ASIC2: variants seen among roughly 807,000 people sequenced by gnomAD.
ASIC2 encodes the protein acid sensing ion channel subunit 2.
Under a neutral mutation model 57.3 loss-of-function variants are expected in ASIC2, and 25 were observed. The ratio of observed to expected loss-of-function variants is 0.44; its 90% CI spans 0.32 to 0.61. The LOEUF is 0.61. Ranked by LOEUF, ASIC2 falls within the 20% of genes least tolerant of loss-of-function variation. ASIC2 has a pLI of 0.06. For missense variants in ASIC2, 641 were observed against 738.1 expected (o/e 0.87, Z 1.52); for synonymous variants, 319 against 307.5 (o/e 1.04, Z -0.39).
chr17:33,878,820 T>C (rs2141937879), intron 1 of ASIC2, among the ~76,000 whole-genome samples: 1 of 152,032 alleles, frequency 6.6e-6, no homozygotes, highest in African/African-American at 2.4e-5. Context: ...TTCACCAAAG[T>C]TGAAATGAAG....
chr17:34,059,230 C>G lies in ASIC2; in HGVS notation c.555+96748G>C, dbSNP rs1399280194. Among the ~76,000 whole-genome samples the G allele has an allele frequency of 2.6e-5, 4 of 152,324 alleles. No homozygotes were observed. The East Asian group carries it at 7.7e-4, about 29-fold the overall frequency. On this transcript the variant is annotated intron_variant, in intron 1 of 9. Coordinates refer to the ASIC2 transcript ENST00000359872. ...GAGACCCTTCTCTCCCAAACACACACCCCCACTGGAGAGGTTGAAGGTCTG... is the reference window on the plus strand; with the variant it reads ...GAGACCCTTCTCTCCCAAACACACAGCCCCACTGGAGAGGTTGAAGGTCTG...
chr17:33,530,544 C>T (rs141316547), intron 1 of ASIC2, among the ~76,000 whole-genome samples: 5 of 152,376 alleles, frequency 3.3e-5, no homozygotes, highest in African/African-American at 9.6e-5. Flanking sequence ...TTGGCATGAA[C>T]ATAGGCGAGT....
At chr17:34,038,503 T>C (rs1907977902) in intron 1 of ASIC2, 3 of 1,611,904 alleles carry the variant, frequency 1.9e-6, no homozygotes, top group Non-Finnish European at 2.5e-6. Flanking sequence ...TTAGATCAAA[T>C]GCCTTGTAAA....
chr17:33,398,618 G>A (rs1293655750), intron 1 of ASIC2, among the ~76,000 whole-genome samples: 1 of 152,128 alleles, frequency 6.6e-6, no homozygotes, highest in Non-Finnish European at 1.5e-5. Context: ...TGATTATGGT[G>A]ATGATGGTGT....
intron 1 of ASIC2, among the ~76,000 whole-genome samples, chr17:33,366,080 G>A (rs1270116373): frequency 6.6e-6 from 1 of 152,338 alleles, no homozygotes; most frequent in South Asian, 2.1e-4. Flanking sequence ...AAGAACAGAG[G>A]CTGTTTGCTT....
At chr17:34,058,175 C>T (rs923921518) in intron 1 of ASIC2, among the ~76,000 whole-genome samples, 10 of 152,324 alleles carry the variant, frequency 6.6e-5, no homozygotes, top group African/African-American at 2.4e-4. Flanking sequence ...TACCTTATAT[C>T]TGAGTCGGTT....
chr17:33,540,421 C>A (rs1221156056), intron 1 of ASIC2, among the ~76,000 whole-genome samples: 2 of 152,156 alleles, frequency 1.3e-5, no homozygotes, highest in Non-Finnish European at 2.9e-5. Flanking sequence ...GAGGGGGGCA[C>A]AATTCAACTC....
intron 1 of ASIC2, among the ~76,000 whole-genome samples, chr17:34,087,223 A>G (rs2142084185): frequency 6.6e-6 from 1 of 151,704 alleles, no homozygotes; most frequent in Non-Finnish European, 1.5e-5. Context: ...GAGTTCTTTT[A>G]GGGCAGTCCT....
At chr17:33,872,787 A>G (rs918728321) in intron 1 of ASIC2, among the ~76,000 whole-genome samples, 1 of 152,204 alleles carries the variant, frequency 6.6e-6, no homozygotes, top group African/African-American at 2.4e-5. Context: ...ATACAGAGGC[A>G]CATTAAGTAT....
rs145816937 is a variant in ASIC2 at position 33,330,496 on chromosome 17, C to T, written c.556-218429G>A. 3.7e-3 allele frequency among the ~76,000 whole-genome samples: 557 copies of T among 152,292 alleles called. 4 individuals carry two copies. The highest frequency in any genetic ancestry group is 0.013 in the African/African-American group (538 of 41,558). On this transcript the variant is annotated intron_variant, in intron 1 of 9. Transcript: ENST00000359872. The stretch of plus-strand genomic sequence containing the variant: ...CCACGATGAGTCCTCATGACACCTT[C>T]GGGCTCAGTCATATTGGCTTCATTT...
intron 1 of ASIC2, among the ~76,000 whole-genome samples, chr17:33,727,356 A>G (rs775986753): frequency 1.1e-4 from 16 of 152,352 alleles, no homozygotes; most frequent in Middle Eastern, 6.8e-3. Flanking sequence ...GTTTTACAAC[A>G]ACAGCTATCA....
Position 33,028,272 on chromosome 17 carries a change from T to C in ASIC2, c.1108A>G (p.Asn370Asp). 1 of 1,614,126 alleles carries C rather than the reference T, an allele frequency of 6.2e-7. No individual in the cohort carries two copies. Among genetic ancestry groups the C allele is most frequent in the Non-Finnish European group, 8.5e-7 (1 of 1,180,018 alleles). The part of the protein sequence containing the change: ...IDCETRYIVE[N>D]CNCRMVHMPG... ...ATGTGAACCATGCGGCAGTTGCAGT[T>C]TTCCACAATGTAGCGGGTCTCACAG... The change falls in exon 4 of 10, where the codon AAC (asparagine) becomes GAC (aspartate). Residue 370 changes from asparagine (N) to aspartate (D), a missense_variant. Asn to Asp is a conservative substitution (Grantham distance 23). Around this residue, in one of 3 missense-constraint regions of ASIC2, gnomAD observed 252 missense variants for 319.8 expected, o/e 0.79. Transcript: ENST00000225823.
chr17:33,580,839 G>T (rs933430630), intron 1 of ASIC2, among the ~76,000 whole-genome samples: 1 of 152,184 alleles, frequency 6.6e-6, no homozygotes, highest in African/African-American at 2.4e-5. Flanking sequence ...AGGCCTATGG[G>T]ATACAAGCAC....
chr17:33,540,459 G>A (rs1257577594), intron 1 of ASIC2, among the ~76,000 whole-genome samples: 2 of 150,126 alleles, frequency 1.3e-5, no homozygotes, highest in African/African-American at 5.1e-5. Flanking sequence ...AGAATGGGAG[G>A]TGGCATAAAG....
At chr17:33,123,646 C>G (rs7224255) in intron 1 of ASIC2, among the ~76,000 whole-genome samples, 128,900 of 152,250 alleles carry the variant, frequency 0.85, 55,059 homozygotes, top group African/African-American at 0.92. Flanking sequence ...TCTTGCAAAA[C>G]TCTGCATTAC....
At chr17:33,895,974 C>T (rs1413225003) in intron 1 of ASIC2, among the ~76,000 whole-genome samples, 2 of 151,848 alleles carry the variant, frequency 1.3e-5, no homozygotes, top group African/African-American at 4.8e-5. Context: ...ACAGCAGCTG[C>T]CCTGTCAGGG....
chr17:33,738,994 T>C (rs887246135), intron 1 of ASIC2, among the ~76,000 whole-genome samples: 5 of 152,226 alleles, frequency 3.3e-5, no homozygotes, highest in Non-Finnish European at 5.9e-5. Context: ...GATTCTTTTG[T>C]CCTGGTTTGC....
chr17:33,430,923 G>A (rs1048202409), intron 1 of ASIC2, among the ~76,000 whole-genome samples: 4 of 152,086 alleles, frequency 2.6e-5, no homozygotes, highest in African/African-American at 9.7e-5. Context: ...AAAGCACACT[G>A]GGTAATGAGG....
chr17:33,767,194 G>T (rs1371635162), intron 1 of ASIC2, among the ~76,000 whole-genome samples: 1 of 152,192 alleles, frequency 6.6e-6, no homozygotes, highest in Non-Finnish European at 1.5e-5. Context: ...TAAATTCCCA[G>T]TGGGAACCCA....
Sources: gnomAD v4.1 joint callset for allele counts (sites outside exome capture counted in the v4.1 genomes callset) on GRCh38, gnomAD v4.1.1 for gene constraint, gnomAD v4.1.1 regional missense constraint, MANE v1.5 for transcripts, NCBI Gene and HGNC (gene_info 2026-07-23, HGNC 2026-07-21) for gene names.